ZNF512: variants seen among roughly 807,000 people sequenced by gnomAD.
The protein encoded by ZNF512 is zinc finger protein 512.
A neutral mutation model predicts 77.5 loss-of-function variants in ZNF512; 25 were observed. The ratio of observed to expected loss-of-function variants is 0.32; its 90% CI spans 0.23 to 0.45. ZNF512 has a LOEUF of 0.45. ZNF512 is among the 20% of genes least tolerant of loss of function. The probability of loss-of-function intolerance (pLI) is 1.00; values close to 1 mark genes in which losing one functional copy is unlikely to be tolerated. For synonymous variants in ZNF512, 246 were observed against 239.9 expected, an observed-to-expected ratio of 1.03 and a Z score of -0.24; for missense variants, 483 against 692.6, an observed-to-expected ratio of 0.70 and a Z score of 3.40.
chr2:27,583,702 C>A lies in ZNF512; in HGVS notation c.75C>A (p.Ile25=). ...TTAAGCAGCAGAGGAGCACGAGGAT[C>A]GTGGGAGCTAAGAAGTAAGTGAGGT... ...TTFKQQRSTR[I]VGAKNSRTQC... The change falls in exon 2 of 14, where the codon ATC becomes ATA. Residue 25 remains isoleucine, a synonymous_variant. Coordinates refer to ENST00000355467, the MANE Select transcript of ZNF512 (RefSeq NM_032434.4). 1 of 1,614,048 alleles carries A rather than the reference C, an allele frequency of 6.2e-7. No individual in the cohort carries two copies. Among genetic ancestry groups the A allele is most frequent in the Non-Finnish European group, 8.5e-7 (1 of 1,179,992 alleles).
Position 27,608,055 on chromosome 2 carries a change from G to A in ZNF512, c.1131+16G>A, listed in dbSNP as rs754635683. On this transcript the variant is annotated intron_variant, in intron 10 of 13. Transcript: ENST00000355467. ...TGATCGAAAGGTAAGGCAGAAACAT[G>A]TATCAATTTGGGAACCATTATGTCT... 4 of 1,537,592 alleles carry A rather than the reference G, an allele frequency of 2.6e-6. No individual in the cohort carries two copies. In the South Asian group the frequency reaches 3.9e-5, roughly 15 times the overall value.
At chr2:27,611,035 G>A (rs2148036928) in intron 10 of ZNF512, among the ~76,000 whole-genome samples, 1 of 152,186 alleles carries the variant, frequency 6.6e-6, no homozygotes, top group South Asian at 2.1e-4. Context: ...GTTCTGTCCT[G>A]TCCCCATGGT....
intron 3 of ZNF512, among the ~76,000 whole-genome samples, chr2:27,599,193 G>A (rs1228364322): frequency 6.6e-6 from 1 of 152,104 alleles, no homozygotes; most frequent in African/African-American, 2.4e-5. Flanking sequence ...TGATTTAGGG[G>A]CTGGTGTAAG....
chr2:27,588,503 C>T (rs187379537), intron 2 of ZNF512, among the ~76,000 whole-genome samples: 38 of 152,018 alleles, frequency 2.5e-4, no homozygotes, highest in African/African-American at 8.9e-4. Flanking sequence ...TATTTATATA[C>T]CCAGTTGTTG....
intron 12 of ZNF512, among the ~76,000 whole-genome samples, 176 bp downstream of exon 12, chr2:27,616,500 T>C (rs1339485343): frequency 6.6e-6 from 1 of 152,202 alleles, no homozygotes; most frequent in Non-Finnish European, 1.5e-5. Context: ...TGCCAGGGCA[T>C]GTCCAAGACT....
intron 2 of ZNF512, among the ~76,000 whole-genome samples, chr2:27,588,796 T>G (rs1308271949): frequency 2.6e-5 from 4 of 152,178 alleles, no homozygotes; most frequent in African/African-American, 9.6e-5. Flanking sequence ...AATCTATAGA[T>G]TCCGTTGGGG....
At position 27,623,208 on chromosome 2, in the gene ZNF512, G is replaced by A. The variant is rs1330048344; in HGVS notation, c.*1747G>A. 2 of 152,364 alleles carry A rather than the reference G, an allele frequency of 1.3e-5. No homozygotes were observed. Among genetic ancestry groups the A allele is most frequent in the Non-Finnish European group, 2.9e-5 (2 of 68,068 alleles). 9.4% of individuals were successfully genotyped at this position (152,364 alleles called of 1,614,324 possible). Reference sequence around the variant, plus strand: ...TTTGAAATAAATTCCACATGCAGTTGTCTCAGTAATTCTTTGGTTCATGAA... The same window carrying A: ...TTTGAAATAAATTCCACATGCAGTTATCTCAGTAATTCTTTGGTTCATGAA... On this transcript the variant is annotated 3_prime_UTR_variant, in exon 14 of 14. Coordinates refer to ENST00000355467, the MANE Select transcript of ZNF512 (RefSeq NM_032434.4).
chr2:27,590,572 T>C (rs1390964223), intron 2 of ZNF512, among the ~76,000 whole-genome samples: 2 of 152,238 alleles, frequency 1.3e-5, no homozygotes, highest in East Asian at 1.9e-4. Flanking sequence ...TATGGTTGGA[T>C]AGGTCTGCCC....
Position 27,597,840 on chromosome 2 carries a change from C to T in ZNF512, c.90-227C>T, listed in dbSNP as rs1437911738. Among the ~76,000 whole-genome samples the T allele has an allele frequency of 1.2e-3, 176 of 152,168 alleles. 1 individual carries two copies. Among genetic ancestry groups the T allele is most frequent in the Non-Finnish European group, 2.4e-4 (16 of 68,030 alleles). ...ATGTCTACTTGGGCTGCAAAGTGAT[C>T]ATTTATGTGTACTGCTTACTCTTAT... On this transcript the variant is annotated intron_variant, in intron 2 of 13. Transcript: ENST00000355467.
intron 9 of ZNF512, among the ~76,000 whole-genome samples, chr2:27,606,951 C>T (rs190643288): frequency 7.9e-5 from 12 of 152,216 alleles, no homozygotes; most frequent in African/African-American, 2.4e-4. Context: ...TAAGAATTCT[C>T]CCTTTCCAAA....
chr2:27,610,544 G>GTATATATATATATATATA (rs1247718248), intron 10 of ZNF512, among the ~76,000 whole-genome samples: 4 of 32,654 alleles, frequency 1.2e-4, no homozygotes, highest in African/African-American at 5.9e-4. Flanking sequence ...ATATGTGTGT[G>GTATATATATATATATATA]TATATATATA....
chr2:27,587,869 G>A (rs749644273), intron 2 of ZNF512, among the ~76,000 whole-genome samples: 2 of 151,428 alleles, frequency 1.3e-5, no homozygotes, highest in Admixed American at 1.3e-4. Context: ...TAGTAGAGAC[G>A]GGGTTTCTCC....
chr2:27,586,491 A>G (rs1671336416), intron 2 of ZNF512, among the ~76,000 whole-genome samples: 2 of 149,464 alleles, frequency 1.3e-5, no homozygotes, highest in African/African-American at 5.2e-5. Context: ...TGGCCTTCCA[A>G]AGTGCTAGGA....
intron 2 of ZNF512, among the ~76,000 whole-genome samples, chr2:27,588,171 T>C (rs753603857): frequency 1.2e-4 from 18 of 152,094 alleles, no homozygotes; most frequent in Non-Finnish European, 1.0e-4. Flanking sequence ...ATGATGTCTT[T>C]TGAAGAGCAA....
At position 27,583,638 on chromosome 2, in the gene ZNF512, G is replaced by A. The variant is rs751742827; in HGVS notation, c.31-20G>A. 1.2e-6 allele frequency: 2 copies of A among 1,613,980 alleles called. No homozygotes were observed. The highest frequency in any genetic ancestry group is 2.2e-5 in the East Asian group (1 of 44,876). On this transcript the variant is annotated intron_variant, in intron 1 of 13. Coordinates refer to ENST00000355467, the MANE Select transcript of ZNF512 (RefSeq NM_032434.4). ...GTTCAGAGGTCCCTAGCACTCACTC[G>A]TGTGCTTGTGATTTGCTAGACTTCG...
In ZNF512 at chr2:27,599,667, A is replaced by G; in HGVS notation, c.362A>G (p.His121Arg). The change falls in exon 4 of 14, where the codon CAT (histidine) becomes CGT (arginine). Residue 121 changes from histidine to arginine, a missense_variant. Physicochemically the swap from His to Arg is conservative, Grantham distance 29. This residue lies in a region of ZNF512 where 159 missense variants were observed against 167.5 expected (regional missense o/e 0.95). Coordinates refer to ENST00000355467, the MANE Select transcript of ZNF512 (RefSeq NM_032434.4). Reference sequence around the variant, plus strand: ...TATCGAGAATTTCCTCAGAAGAAGCATAAGCTTTATGGTAAGGCAGTAACT... The same window carrying G: ...TATCGAGAATTTCCTCAGAAGAAGCGTAAGCTTTATGGTAAGGCAGTAACT... ...EDYREFPQKKHKLYGRKQRPK... is the reference protein window; with the variant it reads ...EDYREFPQKKRKLYGRKQRPK... 1 of 1,614,068 alleles carries G rather than the reference A, an allele frequency of 6.2e-7. No homozygotes were observed. The highest frequency in any genetic ancestry group is 8.5e-7 in the Non-Finnish European group (1 of 1,179,868).
At chr2:27,603,451 C>A in intron 9 of ZNF512, 144 bp downstream of exon 9, 2 of 839,410 alleles carry the variant, frequency 2.4e-6, no homozygotes, top group Non-Finnish European at 3.5e-6. Flanking sequence ...CTTCTTTATT[C>A]GTTCTTTGTC....
At chr2:27,606,234 A>T (rs542021388) in intron 9 of ZNF512, among the ~76,000 whole-genome samples, 5 of 151,020 alleles carry the variant, frequency 3.3e-5, no homozygotes, top group African/African-American at 1.2e-4. Context: ...CAAGTTCTTT[A>T]TCTTTTTTTT....
intron 7 of ZNF512, 108 bp from the exon 8 acceptor site, chr2:27,602,355 C>G: frequency 9.4e-7 from 1 of 1,069,490 alleles, no homozygotes; most frequent in Non-Finnish European, 1.3e-6. Flanking sequence ...GCTTCATTGG[C>G]ACCAGCTTAG....
Sources: allele counts gnomAD v4.1 joint callset (sites outside exome capture counted in the v4.1 genomes callset), GRCh38; gene constraint gnomAD v4.1.1; regional missense constraint gnomAD v4.1.1; transcripts MANE v1.5; gene names NCBI Gene and HGNC (gene_info 2026-07-23, HGNC 2026-07-21).